Variants in PCDHA3 observed in about 807,000 individuals in gnomAD.
PCDHA3 encodes protocadherin alpha-3.
PCDHA3 carries 41 observed loss-of-function variants against 62.2 expected under a neutral mutation model. That is an observed-to-expected ratio of 0.66 (90% confidence interval 0.51 to 0.86). The LOEUF is 0.86. Among genes scored for constraint, PCDHA3 ranks in the 40% least tolerant of loss-of-function variants. The pLI is 0.00. For missense variants in PCDHA3, 1,304 were observed against 1,241.2 expected, an observed-to-expected ratio of 1.05 and a Z score of -0.76; for synonymous variants, 640 against 555.4, an observed-to-expected ratio of 1.15 and a Z score of -2.14.
chr5:140,829,401 C>T (rs2150167195), intron 1 of PCDHA3: 15 of 1,614,092 alleles, frequency 9.3e-6, no homozygotes, highest in Non-Finnish European at 1.3e-5. Context: ...TCGCTGTGGG[C>T]CACCGCCAGC....
rs182070121 is a variant in PCDHA3, at chr5:140,953,927, G to A, written c.2395-25022G>A. On this transcript the variant is annotated intron_variant, in intron 1 of 3. Coordinates refer to ENST00000522353, the MANE Select transcript of PCDHA3 (RefSeq NM_018906.3). ...GCATCCATTAGGTATTCTTCCTGAT[G>A]CTCTCCCTCCCATTGCTCCCCCAAC... Among the ~76,000 whole-genome samples the A allele has an allele frequency of 2.1e-3, 313 of 152,142 alleles. 1 individual carries two copies. The highest frequency in any genetic ancestry group is 7.1e-3 in the African/African-American group (295 of 41,500).
chr5:140,848,388 TC>T, intron 1 of PCDHA3: 1 of 1,225,380 alleles, frequency 8.2e-7, no homozygotes, highest in Non-Finnish European at 1.2e-6. Context: ...TTTCACTCTC[TC>T]TGTGCTGAAC....
At chr5:140,984,980 C>T (rs1206801991) in intron 3 of PCDHA3, among the ~76,000 whole-genome samples, 1 of 152,092 alleles carries the variant, frequency 6.6e-6, no homozygotes, top group African/African-American at 2.4e-5. Context: ...CTCTGTCCCC[C>T]AGGCTGGAGT....
At chr5:140,968,460 C>T (rs1554230749) in intron 1 of PCDHA3, 3 of 1,613,978 alleles carry the variant, frequency 1.9e-6, no homozygotes, top group Non-Finnish European at 2.5e-6. Context: ...ACTGTGACTG[C>T]CAACGTATAT....
At chr5:140,805,210 C>A in intron 1 of PCDHA3, 1 of 1,426,898 alleles carries the variant, frequency 7.0e-7, no homozygotes, top group Non-Finnish European at 9.2e-7. Context: ...ACCAAATAAA[C>A]ATTGTTTTCT....
chr5:140,823,982 C>A, intron 1 of PCDHA3: 1 of 1,614,046 alleles, frequency 6.2e-7, no homozygotes, highest in Non-Finnish European at 8.5e-7. Context: ...CGGGGCAAGC[C>A]CACTCTGTTG....
rs1774863213 is a variant in PCDHA3 at position 140,837,000 on chromosome 5, G to A, written c.2394+33409G>A. The A allele has an allele frequency of 1.8e-5, 6 of 331,444 alleles. No individual in the cohort carries two copies. The East Asian group carries it at 3.3e-4, about 18-fold the overall frequency. 20.5% of individuals were successfully genotyped at this position (331,444 alleles called of 1,614,324 possible). A position where few individuals can be genotyped will look rare whatever the true frequency, so the allele number is the denominator to read the frequency against. On this transcript the variant is annotated intron_variant, in intron 1 of 3. Coordinates refer to ENST00000522353, the MANE Select transcript of PCDHA3 (RefSeq NM_018906.3). ...TTGGAGGAGGACTTTGCTAACTGGAGCAATGGATTCACCTTTCTTCTATAG... is the reference window on the plus strand; with the variant it reads ...TTGGAGGAGGACTTTGCTAACTGGAACAATGGATTCACCTTTCTTCTATAG...
chr5:140,868,262 C>T (rs904607540), intron 1 of PCDHA3: 10 of 151,822 alleles, frequency 6.6e-5, no homozygotes, highest in African/African-American at 2.4e-4. Flanking sequence ...TTTGTGGATT[C>T]TTTTTTAAAA....
chr5:140,803,680 G>A, intron 1 of PCDHA3, 89 bp downstream of exon 1: 3 of 1,584,468 alleles, frequency 1.9e-6, no homozygotes, highest in Non-Finnish European at 2.6e-6. Flanking sequence ...TAATAGTTAA[G>A]TATGAATTAT....
intron 1 of PCDHA3, chr5:140,881,522 A>G: frequency 5.1e-6 from 1 of 196,850 alleles, no homozygotes; most frequent in South Asian, 1.8e-4. Context: ...AAAATCCCAC[A>G]CATATTGACT....
chr5:140,987,799 A>C (rs2097268880), intron 3 of PCDHA3, among the ~76,000 whole-genome samples: 2 of 152,140 alleles, frequency 1.3e-5, no homozygotes, highest in South Asian at 4.1e-4. Flanking sequence ...GATTTTTTTA[A>C]AGTGCCTGTC....
chr5:141,001,102 A>T (rs1197761807), intron 3 of PCDHA3, among the ~76,000 whole-genome samples: 1 of 152,076 alleles, frequency 6.6e-6, no homozygotes, highest in African/African-American at 2.4e-5. Context: ...TCTAATCCAT[A>T]ATAAGCAATC....
intron 1 of PCDHA3, chr5:140,836,970 C>T: frequency 2.6e-6 from 1 of 381,196 alleles, no homozygotes; most frequent in Non-Finnish European, 4.6e-6. Flanking sequence ...GGCTACTCTC[C>T]ATTTTTGGAG....
chr5:140,870,028 T>G, intron 1 of PCDHA3: 1 of 1,613,550 alleles, frequency 6.2e-7, no homozygotes, highest in Non-Finnish European at 8.5e-7. Context: ...AACTTTAGAT[T>G]ATGAAGAAAA....
intron 1 of PCDHA3, among the ~76,000 whole-genome samples, chr5:140,965,010 C>T (rs1160052537): frequency 5.9e-5 from 9 of 152,154 alleles, no homozygotes; most frequent in Admixed American, 3.9e-4. Flanking sequence ...GTGTCAGGAT[C>T]ACAACCTTGG....
At chr5:140,828,464 G>A (rs1554131324) in intron 1 of PCDHA3, 2 of 1,614,262 alleles carry the variant, frequency 1.2e-6, no homozygotes, top group Non-Finnish European at 1.7e-6. Context: ...GGAGGTGAGG[G>A]ACATTAACGA....
chr5:141,007,394 A>G (rs2098323051), intron 3 of PCDHA3, among the ~76,000 whole-genome samples: 16 of 86,170 alleles, frequency 1.9e-4, no homozygotes, highest in Non-Finnish European at 3.5e-4. Context: ...CTACTAAAAT[A>G]CAAAAAAAAA....
At chr5:140,981,939 A>G (rs765176340) in intron 2 of PCDHA3, among the ~76,000 whole-genome samples, 1 of 152,180 alleles carries the variant, frequency 6.6e-6, no homozygotes, top group Non-Finnish European at 1.5e-5. Context: ...CTCAGGAAAT[A>G]TAGGGTGGGT....
chr5:140,889,120 T>G (rs1335268200), intron 1 of PCDHA3, among the ~76,000 whole-genome samples: 1 of 151,966 alleles, frequency 6.6e-6, no homozygotes, highest in Non-Finnish European at 1.5e-5. Context: ...CAGGTGATAC[T>G]GATATGTCCT....
Sources: gnomAD v4.1 joint callset for allele counts (sites outside exome capture counted in the v4.1 genomes callset) on GRCh38, gnomAD v4.1.1 for gene constraint, MANE v1.5 for transcripts, NCBI Gene and HGNC (gene_info 2026-07-23, HGNC 2026-07-21) for gene names.